The following ZNF649 variants were observed in gnomAD, a reference collection of about 807,000 sequenced individuals.
ZNF649 encodes zinc finger protein 649.
ZNF649 carries 7 observed loss-of-function variants against 14.1 expected under a neutral mutation model. That is an observed-to-expected ratio of 0.49 (90% CI 0.28 to 0.93). The LOEUF (loss-of-function observed/expected upper bound fraction) is 0.93. Ranked by LOEUF, ZNF649 falls within the 40% of genes least tolerant of loss-of-function variation. The pLI is 0.10. For synonymous variants in ZNF649, 227 were observed against 212.3 expected (o/e 1.07, Z -0.60); for missense variants, 544 against 608.1 (o/e 0.89, Z 1.11).
intron 1 of ZNF649, among the ~76,000 whole-genome samples, chr19:51,901,426 T>C (rs746976857): frequency 2.6e-5 from 4 of 152,180 alleles, no homozygotes; most frequent in Non-Finnish European, 5.9e-5. Flanking sequence ...AGAGGTGGGC[T>C]TTTAGTAAGT....
At position 51,896,992 on chromosome 19, in the gene ZNF649, G is replaced by C. The variant is rs761260693; in HGVS notation, c.16-14C>G. The C allele has an allele frequency of 6.2e-7, 1 of 1,614,052 alleles. No homozygotes were observed. The highest frequency in any genetic ancestry group is 1.1e-5 in the South Asian group (1 of 91,074). The stretch of plus-strand genomic sequence containing the variant: ...GGTCAGTGATTCCTGTAATAACACA[G>C]TCCTGCTTAATATGTTTCTCTTTTA... On this transcript the variant is annotated splice_polypyrimidine_tract_variant and intron_variant, in intron 2 of 4. Transcript: ENST00000354957.
At chr19:51,898,253 G>A (rs953825089) in intron 2 of ZNF649, among the ~76,000 whole-genome samples, 2 of 152,058 alleles carry the variant, frequency 1.3e-5, no homozygotes, top group Non-Finnish European at 2.9e-5. Flanking sequence ...GACTCTGCAG[G>A]TTTCAGGGCT....
At chr19:51,900,720 G>A (rs113822367) in intron 1 of ZNF649, among the ~76,000 whole-genome samples, 1,664 of 152,140 alleles carry the variant, frequency 0.011, 37 homozygotes, top group African/African-American at 0.038. Flanking sequence ...CCCAACAATC[G>A]TGAGACACAC....
intron 2 of ZNF649, among the ~76,000 whole-genome samples, chr19:51,899,141 G>A (rs1187960363): frequency 6.6e-6 from 1 of 152,166 alleles, no homozygotes; most frequent in Non-Finnish European, 1.5e-5. Context: ...CTATCACTCA[G>A]GAAATTCCAA....
rs1470538334 is a variant in ZNF649 at position 51,890,534 on chromosome 19, T to C, written c.*84A>G. ...TATCTTGTAAACCCTACTATACATA[T>C]TAGTGCAGGGAGCCAAAGGCCCATG... On this transcript the variant is annotated 3_prime_UTR_variant, in exon 5 of 5. Transcript: ENST00000354957. The C allele has an allele frequency of 3.6e-6, 3 of 842,054 alleles. No individual in the cohort carries two copies. Among genetic ancestry groups the C allele is most frequent in the Admixed American group, 2.2e-5 (1 of 44,832 alleles). 52.2% of individuals were successfully genotyped at this position (842,054 alleles called of 1,614,324 possible). A position where few individuals can be genotyped will look rare whatever the true frequency, so the allele number is the denominator to read the frequency against.
Position 51,900,212 on chromosome 19 carries a change from G to T in ZNF649, c.-105C>A, listed in dbSNP as rs559578602. 1.0e-5 allele frequency: 10 copies of T among 968,524 alleles called. No individual in the cohort carries two copies. In the Admixed American group the frequency reaches 2.2e-4, roughly 22 times the overall value. 60.0% of individuals were successfully genotyped at this position (968,524 alleles called of 1,614,324 possible). The stretch of plus-strand genomic sequence containing the variant: ...AAGAAATCTGAGTCTCCATTTAAGA[G>T]TGTTCCCAGAAATGATGACATCCAC... On this transcript the variant is annotated 5_prime_UTR_variant, in exon 2 of 5. Transcript: ENST00000354957.
intron 4 of ZNF649, among the ~76,000 whole-genome samples, chr19:51,894,646 T>A (rs981680015): frequency 3.9e-5 from 6 of 152,218 alleles, no homozygotes; most frequent in African/African-American, 1.4e-4. Context: ...CACTTTAACT[T>A]TGTATAGCCC....
chr19:51,891,482 C>T lies in ZNF649; in HGVS notation c.654G>A (p.Lys218=), dbSNP rs1205123773. 1.9e-6 allele frequency: 3 copies of T among 1,613,998 alleles called. No homozygotes were observed. The highest frequency in any genetic ancestry group is 2.5e-6 in the Non-Finnish European group (3 of 1,179,848). ...CTCTCTCGTGTTCAGTGAGCCTGTA[C>T]TTCTTGTAGAAGGCTTTCCCACACA... ...CSLCGKAFYK[K]YRLTEHERAH... The change falls in exon 5 of 5, where the codon AAG becomes AAA. Residue 218 remains lysine (K), a synonymous_variant. Transcript: ENST00000354957. This position sits in a 1 kb window ranked among gnomAD's most constrained non-coding sequence, Gnocchi z 4.2.
chr19:51,895,770 T>C (rs374052596), intron 4 of ZNF649, among the ~76,000 whole-genome samples: 1 of 151,838 alleles, frequency 6.6e-6, no homozygotes, highest in East Asian at 1.9e-4. Context: ...TATATATAAA[T>C]GTATATACAC....
In ZNF649 at chr19:51,890,464, G is replaced by C. The variant is rs2122753638; in HGVS notation, c.*154C>G. 7.0e-6 allele frequency: 4 copies of C among 567,514 alleles called. No homozygotes were observed. Among genetic ancestry groups the C allele is most frequent in the Admixed American group, 6.7e-5 (2 of 29,760 alleles). 35.2% of individuals were successfully genotyped at this position (567,514 alleles called of 1,614,324 possible). A position where few individuals can be genotyped will look rare whatever the true frequency, so the allele number is the denominator to read the frequency against. ...GTAAATGAAAAACAATATTGTGGGA[G>C]GGGTAGTGAGGTTTATAAGATATAA... On this transcript the variant is annotated 3_prime_UTR_variant, in exon 5 of 5. Transcript: ENST00000354957.
chr19:51,901,967 A>C (rs2085097563), intron 1 of ZNF649, among the ~76,000 whole-genome samples: 2 of 151,580 alleles, frequency 1.3e-5, no homozygotes, highest in Non-Finnish European at 1.5e-5. Flanking sequence ...AAAAAAAAAA[A>C]AAAACCTAAA....
intron 1 of ZNF649, 52 bp downstream of exon 1, chr19:51,904,862 C>G (rs990198675): frequency 6.6e-6 from 1 of 152,654 alleles, no homozygotes; most frequent in Non-Finnish European, 1.5e-5. Context: ...ACAGGCTCCT[C>G]AGAAGCTCCC....
chr19:51,891,594 G>C lies in ZNF649; in HGVS notation c.542C>G (p.Thr181Ser). Reference protein sequence around the residue: ...THNIEKAHECTDCGKAFLKKS... With the variant: ...THNIEKAHECSDCGKAFLKKS... ...CTTGAGGAAAGCTTTCCCACAGTCA[G>C]TGCATTCATGGGCTTTCTCTATGTT... The change falls in exon 5 of 5, where the codon ACT (threonine) becomes AGT (serine). Residue 181 changes from threonine (T) to serine (S), a missense_variant. Coordinates refer to ENST00000354957, the MANE Select transcript of ZNF649 (RefSeq NM_023074.4). This position sits in a 1 kb window ranked among gnomAD's most constrained non-coding sequence, Gnocchi z 4.2. 6.2e-7 allele frequency: 1 copy of C among 1,614,252 alleles called. No individual in the cohort carries two copies. Among genetic ancestry groups the C allele is most frequent in the Non-Finnish European group, 8.5e-7 (1 of 1,180,050 alleles).
intron 4 of ZNF649, among the ~76,000 whole-genome samples, chr19:51,892,470 G>A (rs2085030655): frequency 6.6e-6 from 1 of 152,066 alleles, no homozygotes; most frequent in Non-Finnish European, 1.5e-5. Flanking sequence ...CTTGAGCCCA[G>A]GAGTTTGAGA....
At position 51,891,038 on chromosome 19, in the gene ZNF649, T is replaced by C; in HGVS notation, c.1098A>G (p.Arg366=). The C allele has an allele frequency of 1.2e-6, 2 of 1,614,226 alleles. No individual in the cohort carries two copies. Among genetic ancestry groups the C allele is most frequent in the South Asian group, 2.2e-5 (2 of 91,086 alleles). ...CAAAGGGAGTCTTTCCTGTATGATA[T>C]CTCTGATGTGCTACAAGGCAAGACT... is the stretch of plus-strand genomic sequence containing the variant. ...SQKSCLVAHQ[R]YHTGKTPFVC... Residue 366 remains arginine, a synonymous_variant, in exon 5 of 5, where the codon AGA becomes AGG. Coordinates refer to ENST00000354957, the MANE Select transcript of ZNF649 (RefSeq NM_023074.4). The surrounding 1 kb of genome is among the most constrained non-coding windows in gnomAD (Gnocchi z 4.2).
rs376994779 is a variant in ZNF649, at chr19:51,891,616, T to G, written c.520A>C (p.Ile174Leu). The change falls in exon 5 of 5, where the codon ATA (isoleucine) becomes CTA (leucine). Residue 174 changes from isoleucine (I) to leucine (L), a missense_variant. Ile to Leu is a conservative substitution (Grantham distance 5, BLOSUM62 2). Transcript: ENST00000354957. This position sits in a 1 kb window ranked among gnomAD's most constrained non-coding sequence, Gnocchi z 4.2. ...QFLKHQQTHN[I>L]EKAHECTDCG... is the part of the protein sequence containing the mutation. ...TCAGTGCATTCATGGGCTTTCTCTA[T>G]GTTGTGTGTTTGCTGATGTTTAAGG... 3.7e-5 allele frequency: 59 copies of G among 1,614,096 alleles called. No homozygotes were observed. The highest frequency in any genetic ancestry group is 5.3e-5 in the African/African-American group (4 of 74,932).
At chr19:51,895,863 AG>A (rs2085059246) in intron 4 of ZNF649, among the ~76,000 whole-genome samples, 1 of 152,194 alleles carries the variant, frequency 6.6e-6, no homozygotes, top group Non-Finnish European at 1.5e-5. Flanking sequence ...ACTTGAGGAG[AG>A]GGTCTTGGGA....
At chr19:51,893,087 G>C (rs933422680) in intron 4 of ZNF649, among the ~76,000 whole-genome samples, 1 of 152,150 alleles carries the variant, frequency 6.6e-6, no homozygotes. Context: ...TGATTGGACA[G>C]GAGACTGATC....
At chr19:51,893,964 TTACCTCCACCAC>T (rs1265423981) in intron 4 of ZNF649, among the ~76,000 whole-genome samples, 1 of 152,056 alleles carries the variant, frequency 6.6e-6, no homozygotes, top group Non-Finnish European at 1.5e-5. Context: ...ATACAAAACT[TTACCTCCACCAC>T]TACCCTGAAT....
Sources: gnomAD v4.1 joint callset for allele counts (sites outside exome capture counted in the v4.1 genomes callset) on GRCh38, gnomAD v4.1.1 for gene constraint, Gnocchi (gnomAD v3.1) non-coding constraint, MANE v1.5 for transcripts, NCBI Gene and HGNC (gene_info 2026-07-23, HGNC 2026-07-21) for gene names.